DLG2: variants seen among roughly 807,000 people sequenced by gnomAD.
The protein encoded by DLG2 is disks large homolog 2.
A neutral mutation model predicts 132.5 loss-of-function variants in DLG2; 45 were observed. The ratio of observed to expected loss-of-function variants is 0.34; its 90% confidence interval spans 0.27 to 0.44. DLG2 has a LOEUF of 0.44. Ranked by LOEUF, DLG2 falls within the 20% of genes least tolerant of loss-of-function variation. DLG2 has a pLI of 1.00. For synonymous variants in DLG2, 424 were observed against 419.6 expected (o/e 1.01, Z -0.13); for missense variants, 1,045 against 1,196.9 (o/e 0.87, Z 1.87).
intron 3 of DLG2, among the ~76,000 whole-genome samples, chr11:85,377,803 A>ATATGTGTGTG (rs35141583): frequency 7.6e-6 from 1 of 131,292 alleles, no homozygotes; most frequent in Non-Finnish European, 1.6e-5. Flanking sequence ...ATATATATAT[A>ATATGTGTGTG]TGTGTGTGTG....
At chr11:83,905,763 G>A (rs2074564574) in intron 15 of DLG2, among the ~76,000 whole-genome samples, 2 of 151,998 alleles carry the variant, frequency 1.3e-5, no homozygotes, top group South Asian at 4.1e-4. Context: ...ATCTTTTGAT[G>A]GGTTGTTGCT....
intron 3 of DLG2, among the ~76,000 whole-genome samples, chr11:85,539,585 G>A (rs894573186): frequency 6.6e-6 from 1 of 152,118 alleles, no homozygotes; most frequent in Admixed American, 6.5e-5. Flanking sequence ...GATGATAGCT[G>A]CATAACTCTG....
At chr11:83,887,327 G>A (rs1220706552) in intron 15 of DLG2, among the ~76,000 whole-genome samples, 6 of 151,768 alleles carry the variant, frequency 4.0e-5, no homozygotes, top group South Asian at 2.1e-4. Context: ...ACACCTCTAC[G>A]CAAATAAACT....
chr11:84,059,345 C>T lies in DLG2; in HGVS notation c.889G>A (p.Val297Met), dbSNP rs921878132. The change falls in exon 11 of 28, where the codon GTG (valine) becomes ATG (methionine). Residue 297 changes from valine (V) to methionine (M), a missense_variant. By Grantham distance (21) the Val-to-Met change is conservative. This residue lies in a region of DLG2 where 109 missense variants were observed against 159.1 expected (regional missense o/e 0.69). Transcript: ENST00000376104. Reference protein sequence around the residue: ...RRRRPILETVVEIKLFKGPKG... With the variant: ...RRRRPILETVMEIKLFKGPKG... ...GGGCCTTTGAACAGTTTGATTTCCA[C>T]AACGGTCTCCAAAATAGGTCGTCTT... 6.2e-7 allele frequency: 1 copy of T among 1,613,572 alleles called. No individual in the cohort carries two copies. Among genetic ancestry groups the T allele is most frequent in the Non-Finnish European group, 8.5e-7 (1 of 1,179,816 alleles).
intron 11 of DLG2, among the ~76,000 whole-genome samples, chr11:83,989,243 G>C (rs928513697): frequency 6.6e-6 from 1 of 152,112 alleles, no homozygotes; most frequent in African/African-American, 2.4e-5. Flanking sequence ...AACCTGTACA[G>C]GGTTTATGGT....
At chr11:83,828,754 C>T (rs1035014395) in intron 17 of DLG2, among the ~76,000 whole-genome samples, 1 of 152,160 alleles carries the variant, frequency 6.6e-6, no homozygotes, top group African/African-American at 2.4e-5. Context: ...ACAACAGATA[C>T]AGTCTTAAAG....
intron 6 of DLG2, among the ~76,000 whole-genome samples, chr11:84,575,936 T>C (rs2099498754): frequency 6.6e-6 from 1 of 152,220 alleles, no homozygotes; most frequent in South Asian, 2.1e-4. Context: ...TTCACTCTAA[T>C]CTAACTAGAA....
chr11:83,736,502 T>C (rs1277398829), intron 18 of DLG2, among the ~76,000 whole-genome samples: 2 of 152,166 alleles, frequency 1.3e-5, no homozygotes, highest in Non-Finnish European at 2.9e-5. Context: ...AGATTGGCTA[T>C]TTATTTGTTT....
At chr11:84,189,867 G>A (rs1350837969) in intron 8 of DLG2, among the ~76,000 whole-genome samples, 3 of 151,992 alleles carry the variant, frequency 2.0e-5, no homozygotes, top group Non-Finnish European at 4.4e-5. Flanking sequence ...GATAGCTAAT[G>A]GACACTGGGC....
chr11:85,107,843 T>C (rs1469003407), intron 6 of DLG2, among the ~76,000 whole-genome samples: 1 of 149,630 alleles, frequency 6.7e-6, no homozygotes, highest in Non-Finnish European at 1.5e-5. Context: ...TGTCCATGTT[T>C]CTAAATAATT....
At chr11:83,506,483 CAGA>C (rs2094707836) in intron 21 of DLG2, among the ~76,000 whole-genome samples, 1 of 152,258 alleles carries the variant, frequency 6.6e-6, no homozygotes, top group African/African-American at 2.4e-5. Context: ...AGGCACCAGC[CAGA>C]AGTTTAGTCT....
chr11:84,798,458 C>A (rs1274810613), intron 6 of DLG2, among the ~76,000 whole-genome samples: 1 of 152,214 alleles, frequency 6.6e-6, no homozygotes, highest in African/African-American at 2.4e-5. Context: ...ATCACCACCA[C>A]CACTGGCCCA....
intron 7 of DLG2, among the ~76,000 whole-genome samples, chr11:84,305,023 C>G (rs1248459076): frequency 1.3e-5 from 2 of 151,888 alleles, no homozygotes; most frequent in Non-Finnish European, 2.9e-5. Flanking sequence ...AAATGTAGTG[C>G]CTTTACCAAA....
chr11:83,977,359 G>C (rs1205880224), intron 12 of DLG2, among the ~76,000 whole-genome samples: 1 of 151,930 alleles, frequency 6.6e-6, no homozygotes, highest in Non-Finnish European at 1.5e-5. Flanking sequence ...GCTATTAAGA[G>C]TTTCTAAAAA....
chr11:83,787,458 A>G (rs2040325958), intron 17 of DLG2, among the ~76,000 whole-genome samples: 1 of 151,244 alleles, frequency 6.6e-6, no homozygotes, highest in East Asian at 1.9e-4. Context: ...AGTAGCTGGG[A>G]TTACAGGTGC....
At chr11:83,906,319 A>C (rs5793093) in intron 15 of DLG2, among the ~76,000 whole-genome samples, 2,413 of 65,534 alleles carry the variant, frequency 0.037, 124 homozygotes, top group Middle Eastern at 0.12. Context: ...ACACACACAC[A>C]CCTCGGCCTC....
intron 18 of DLG2, among the ~76,000 whole-genome samples, chr11:83,707,628 G>A (rs1408928724): frequency 6.6e-6 from 1 of 152,178 alleles, no homozygotes; most frequent in African/African-American, 2.4e-5. Context: ...CTGAGGTGGT[G>A]CCACTGCACT....
At chr11:85,423,389 A>G (rs1485646374) in intron 3 of DLG2, among the ~76,000 whole-genome samples, 1 of 152,148 alleles carries the variant, frequency 6.6e-6, no homozygotes, top group Non-Finnish European at 1.5e-5. Context: ...TTAATGCACT[A>G]TATTTTGCTG....
intron 18 of DLG2, among the ~76,000 whole-genome samples, chr11:83,755,190 G>GT (rs2093595390): frequency 6.6e-6 from 1 of 150,886 alleles, no homozygotes; most frequent in African/African-American, 2.5e-5. Flanking sequence ...TAAAATAAAC[G>GT]TAACTATAAT....
Sources: allele counts gnomAD v4.1 joint callset (sites outside exome capture counted in the v4.1 genomes callset), GRCh38; gene constraint gnomAD v4.1.1; regional missense constraint gnomAD v4.1.1; transcripts MANE v1.5; gene names NCBI Gene and HGNC (gene_info 2026-07-23, HGNC 2026-07-21).